Variants in PAWR observed in about 807,000 individuals in gnomAD.
PAWR encodes PRKC apoptosis WT1 regulator protein.
Under a neutral mutation model 32.0 loss-of-function variants are expected in PAWR, and 23 were observed. The ratio of observed to expected loss-of-function variants is 0.72; its 90% CI spans 0.52 to 1.02. The LOEUF is 1.02. PAWR is among the 50% of genes least tolerant of loss of function. PAWR has a pLI of 0.00. For missense variants in PAWR, 457 were observed against 437.7 expected (o/e 1.04, Z -0.39); for synonymous variants, 226 against 187.1 (o/e 1.21, Z -1.70).
At chr12:79,648,570 CAA>C (rs1267655273) in intron 2 of PAWR, among the ~76,000 whole-genome samples, 2 of 138,650 alleles carry the variant, frequency 1.4e-5, no homozygotes, top group Non-Finnish European at 3.0e-5. Context: ...ATCGCTTGAG[CAA>C]AAGAGTTCAA....
chr12:79,594,534 A>G (rs1257234324), intron 5 of PAWR, 101 bp from the exon 6 acceptor site: 4 of 622,128 alleles, frequency 6.4e-6, no homozygotes, highest in Admixed American at 3.5e-5. Flanking sequence ...TATCTTACAT[A>G]CATGAAGATT....
intron 2 of PAWR, among the ~76,000 whole-genome samples, chr12:79,676,384 GATA>G (rs1204586195): frequency 4.6e-5 from 7 of 152,162 alleles, no homozygotes; most frequent in East Asian, 1.9e-4. Flanking sequence ...TGTGACTCAA[GATA>G]ATAATAAGCT....
chr12:79,661,634 T>C (rs542933015), intron 2 of PAWR, among the ~76,000 whole-genome samples: 8 of 152,322 alleles, frequency 5.3e-5, no homozygotes, highest in South Asian at 2.1e-4. Flanking sequence ...AAAAAAACTA[T>C]TAAAACTAGG....
chr12:79,602,537 C>T (rs574899341), intron 4 of PAWR, among the ~76,000 whole-genome samples: 6 of 151,832 alleles, frequency 4.0e-5, no homozygotes, highest in Non-Finnish European at 8.8e-5. Context: ...ATAAACTCAA[C>T]AAGGCTTGGT....
intron 4 of PAWR, among the ~76,000 whole-genome samples, chr12:79,605,812 G>C (rs183869434): frequency 2.6e-5 from 4 of 152,108 alleles, no homozygotes; most frequent in Non-Finnish European, 4.4e-5. Flanking sequence ...AGTGGCTCAC[G>C]CCTGTAATCC....
rs1267454602 is a variant in PAWR at position 79,649,785 on chromosome 12, T to C, written c.517-28578A>G. On this transcript the variant is annotated intron_variant, in intron 2 of 6. Transcript: ENST00000328827. ...AGCCTGGTGACAGGGTGAGACCTAG[T>C]ATCAAATAAATAAATAAGGAAATAG... Among the ~76,000 whole-genome samples the C allele has an allele frequency of 3.3e-5, 5 of 152,096 alleles. No homozygotes were observed. In the East Asian group the frequency reaches 9.6e-4, roughly 29 times the overall value.
rs1592517858 is a variant in PAWR, at chr12:79,633,608, C to A, written c.517-12401G>T. ...TCATATAAAAACAAGCCTCTGCTGACCAAATGGCCCAGTTTCTACAACTTA... is the reference window on the plus strand; with the variant it reads ...TCATATAAAAACAAGCCTCTGCTGAACAAATGGCCCAGTTTCTACAACTTA... On this transcript the variant is annotated intron_variant, in intron 2 of 6. Coordinates refer to ENST00000328827, the MANE Select transcript of PAWR (RefSeq NM_002583.4). 2.0e-5 allele frequency among the ~76,000 whole-genome samples: 3 copies of A among 152,052 alleles called. No individual in the cohort carries two copies. In the South Asian group the frequency reaches 6.2e-4, roughly 32 times the overall value.
intron 2 of PAWR, among the ~76,000 whole-genome samples, chr12:79,679,911 T>C (rs1334734345): frequency 2.0e-5 from 3 of 152,228 alleles, no homozygotes; most frequent in Non-Finnish European, 4.4e-5. Context: ...ATTATTAGTA[T>C]ACTCTTATAT....
intron 3 of PAWR, among the ~76,000 whole-genome samples, chr12:79,617,075 T>C (rs763871829): frequency 2.6e-5 from 4 of 152,116 alleles, no homozygotes; most frequent in Non-Finnish European, 4.4e-5. Context: ...TCTTGTTTTT[T>C]GGCAGGGCAC....
At chr12:79,689,685 T>C (rs1230135553) in intron 2 of PAWR, 44 bp downstream of exon 2, 2 of 1,523,264 alleles carry the variant, frequency 1.3e-6, no homozygotes, top group Non-Finnish European at 1.8e-6. Flanking sequence ...GGGAGGCAGC[T>C]GCCCGCCCCG....
rs981313570 is a variant in PAWR, at chr12:79,587,116, T to C, written c.*5491A>G. The C allele has an allele frequency of 2.6e-5, 4 of 152,038 alleles. No homozygotes were observed. The highest frequency in any genetic ancestry group is 9.7e-5 in the African/African-American group (4 of 41,436). 9.4% of individuals were successfully genotyped at this position (152,038 alleles called of 1,614,324 possible). On this transcript the variant is annotated 3_prime_UTR_variant, in exon 7 of 7. Transcript: ENST00000328827. ...AGGGAAAAAATTGAGTTTGATGAAG[T>C]CTAAGATGAAAGGTTCCATTTCATG...
At chr12:79,611,304 G>C (rs1194953911) in intron 4 of PAWR, among the ~76,000 whole-genome samples, 1 of 143,582 alleles carries the variant, frequency 7.0e-6, no homozygotes, top group African/African-American at 2.5e-5. Flanking sequence ...TAATTTCTTG[G>C]AAGTTATTTG....
intron 4 of PAWR, among the ~76,000 whole-genome samples, chr12:79,608,579 G>T (rs574980430): frequency 6.6e-6 from 1 of 152,242 alleles, no homozygotes; most frequent in South Asian, 2.1e-4. Flanking sequence ...GGGACCCCTG[G>T]CTTAAAGTAT....
chr12:79,668,266 A>T (rs1285463825), intron 2 of PAWR: 1 of 152,214 alleles, frequency 6.6e-6, no homozygotes, highest in Non-Finnish European at 1.5e-5. Flanking sequence ...AGTAAGTTGA[A>T]TCATTTACCC....
At chr12:79,627,745 G>C (rs373313814) in intron 2 of PAWR, among the ~76,000 whole-genome samples, 13 of 152,086 alleles carry the variant, frequency 8.5e-5, no homozygotes, top group African/African-American at 2.9e-4. Context: ...ATCAATTCAA[G>C]AAGAAGAGCT....
At chr12:79,597,348 A>G (rs1189247694) in intron 4 of PAWR, among the ~76,000 whole-genome samples, 3 of 152,178 alleles carry the variant, frequency 2.0e-5, no homozygotes, top group Admixed American at 6.5e-5. Context: ...TACAGATGTG[A>G]GCATTGTGCC....
chr12:79,602,747 G>A (rs1874011746), intron 4 of PAWR, among the ~76,000 whole-genome samples: 1 of 151,806 alleles, frequency 6.6e-6, no homozygotes. Flanking sequence ...GGAGCTACAG[G>A]CATATGCCAC....
intron 2 of PAWR, among the ~76,000 whole-genome samples, chr12:79,659,433 T>G (rs1418354026): frequency 6.6e-6 from 1 of 152,218 alleles, no homozygotes; most frequent in Non-Finnish European, 1.5e-5. Context: ...AAATAGGCTT[T>G]ATTTGTTCTT....
chr12:79,684,540 G>A (rs2136890668), intron 2 of PAWR, among the ~76,000 whole-genome samples: 1 of 152,056 alleles, frequency 6.6e-6, no homozygotes, highest in East Asian at 1.9e-4. Context: ...GAACCCGGGA[G>A]GTGGAGGCTG....
Sources: allele counts gnomAD v4.1 joint callset (sites outside exome capture counted in the v4.1 genomes callset), GRCh38; gene constraint gnomAD v4.1.1; transcripts MANE v1.5; gene names NCBI Gene and HGNC (gene_info 2026-07-23, HGNC 2026-07-21).